The following RANBP2 variants were observed in gnomAD, a reference collection of about 807,000 sequenced individuals.
The protein encoded by RANBP2 is E3 SUMO-protein ligase RanBP2.
Under a neutral mutation model 303.6 loss-of-function variants are expected in RANBP2, and 57 were observed. The ratio of observed to expected loss-of-function variants is 0.19; its 90% CI spans 0.15 to 0.23. RANBP2 has a LOEUF of 0.23. Ranked by LOEUF, RANBP2 falls within the 10% of genes least tolerant of loss-of-function variation. RANBP2 has a pLI of 1.00. For synonymous variants in RANBP2, 1,167 were observed against 1,301.5 expected, an observed-to-expected ratio of 0.90 and a Z score of 2.23; for missense variants, 3,138 against 3,780.8, an observed-to-expected ratio of 0.83 and a Z score of 4.46.
In RANBP2 at chr2:108,783,331, A is replaced by AT. The variant is rs1305640353; in HGVS notation, c.9370-263dup. 2.4e-4 allele frequency among the ~76,000 whole-genome samples: 27 copies of AT among 111,116 alleles called. 2 individuals are homozygous for AT. The South Asian group carries it at 7.2e-3, about 30-fold the overall frequency. The allele number at this position is 111,116 out of a possible 152,430, so 72.9% of individuals were successfully genotyped here. A position where few individuals can be genotyped will look rare whatever the true frequency, so the allele number is the denominator to read the frequency against. On this transcript the variant is annotated intron_variant, in intron 28 of 28. Coordinates refer to ENST00000283195, the MANE Select transcript of RANBP2 (RefSeq NM_006267.5). ...GGGCGACAGAGTGAGACAGCCTGTC[A>AT]TTAAAAAAAAAAAAAAAAAAAAAAA...
the RANBP2 span, among the ~76,000 whole-genome samples, chr2:109,438,914 G>A: frequency 2.5e-4 from 38 of 152,150 alleles, no homozygotes; most frequent in Admixed American, 1.0e-3. Context: ...CAATCAGCCC[G>A]GTGTTCTGTA....
Position 108,763,564 on chromosome 2 carries a change from C to A in RANBP2, c.3025C>A (p.Pro1009Thr). 6.2e-7 allele frequency: 1 copy of A among 1,614,074 alleles called. No homozygotes were observed. Among genetic ancestry groups the A allele is most frequent in the Non-Finnish European group, 8.5e-7 (1 of 1,179,982 alleles). ...ATTTGGGAAAACTAATTTTGTTCAG[C>A]CCATGCCGGGTGAAGGATTAAGGCC... is the stretch of plus-strand genomic sequence containing the variant. ...IEFGKTNFVQ[P>T]MPGEGLRPSL... The change falls in exon 20 of 29, where the codon CCC (proline) becomes ACC (threonine). Residue 1009 changes from proline to threonine, a missense_variant. By Grantham distance (38) the Pro-to-Thr change is conservative. Coordinates refer to ENST00000283195, the MANE Select transcript of RANBP2 (RefSeq NM_006267.5).
the RANBP2 span, among the ~76,000 whole-genome samples, chr2:108,850,080 G>A: frequency 4.6e-5 from 7 of 152,140 alleles, no homozygotes; most frequent in African/African-American, 7.2e-5. Context: ...GATGGTCCTC[G>A]GAACTACTGT....
chr2:109,441,132 C>CAAAAAAAAAAAAAAAAAA, the RANBP2 span, among the ~76,000 whole-genome samples: 5 of 134,030 alleles, frequency 3.7e-5, no homozygotes, highest in African/African-American at 1.5e-4. Flanking sequence ...TATAGGAATA[C>CAAAAAAAAAAAAAAAAAA]AAAAAAAAAA....
the RANBP2 span, among the ~76,000 whole-genome samples, chr2:109,263,915 G>T: frequency 6.6e-6 from 1 of 152,242 alleles, no homozygotes; most frequent in Non-Finnish European, 1.5e-5. Context: ...CTTGCAGTGA[G>T]CCAAGATCGT....
At chr2:109,199,632 T>TCAACGCGAGTGCAGG in the RANBP2 span, among the ~76,000 whole-genome samples, 1 of 68 alleles carries the variant, frequency 0.015, no homozygotes, top group African/African-American at 0.045. Context: ...TGGAATGGAA[T>TCAACGCGAGTGCAGG]GGAATGGAAT....
chr2:108,836,974 C>T, the RANBP2 span, among the ~76,000 whole-genome samples: 1 of 151,440 alleles, frequency 6.6e-6, no homozygotes, highest in Non-Finnish European at 1.5e-5. Context: ...ATCTTTAGGA[C>T]TTTCGACATA....
chr2:109,681,396 TTTACA>T, the RANBP2 span, among the ~76,000 whole-genome samples: 3 of 152,310 alleles, frequency 2.0e-5, no homozygotes, highest in East Asian at 1.9e-4. Flanking sequence ...CTTTGCTAAA[TTTACA>T]TTACATTTCA....
chr2:109,266,613 A>G, the RANBP2 span, among the ~76,000 whole-genome samples: 1 of 151,672 alleles, frequency 6.6e-6, no homozygotes, highest in Non-Finnish European at 1.5e-5. Context: ...AGTGCAGAGC[A>G]GGGCTCCCCT....
At chr2:108,943,393 A>G in the RANBP2 span, among the ~76,000 whole-genome samples, 1 of 152,204 alleles carries the variant, frequency 6.6e-6, no homozygotes, top group Admixed American at 6.5e-5. Flanking sequence ...TTCTTTATAT[A>G]GTTAAATTAT....
chr2:109,561,091 T>C, the RANBP2 span, among the ~76,000 whole-genome samples: 1 of 152,062 alleles, frequency 6.6e-6, no homozygotes, highest in Non-Finnish European at 1.5e-5. Context: ...AAGATCAAAA[T>C]CCTCCCCAGG....
the RANBP2 span, chr2:109,503,345 A>G: frequency 1.3e-5 from 2 of 152,192 alleles, no homozygotes; most frequent in Non-Finnish European, 2.9e-5. Context: ...GAAGACTTTG[A>G]AACACGGGCC....
the RANBP2 span, among the ~76,000 whole-genome samples, chr2:109,587,805 C>A: frequency 6.6e-6 from 1 of 152,018 alleles, no homozygotes; most frequent in South Asian, 2.1e-4. Context: ...CCCAGCTACT[C>A]AGGAGGCTGA....
the RANBP2 span, chr2:109,614,658 A>C: frequency 6.8e-7 from 1 of 1,477,746 alleles, no homozygotes; most frequent in Non-Finnish European, 8.9e-7. Flanking sequence ...CGCGCACTTC[A>C]AGGAGCTGGT....
the RANBP2 span, among the ~76,000 whole-genome samples, chr2:109,205,705 G>T: frequency 6.6e-6 from 1 of 152,234 alleles, no homozygotes; most frequent in Non-Finnish European, 1.5e-5. Context: ...GGGCAGAGGT[G>T]TTGTTTCGGG....
chr2:109,621,490 C>T, the RANBP2 span, among the ~76,000 whole-genome samples: 1 of 151,876 alleles, frequency 6.6e-6, no homozygotes, highest in East Asian at 1.9e-4. Flanking sequence ...AACCTGGGAG[C>T]CCTCCATTAG....
chr2:109,614,951 G>A, the RANBP2 span: 1 of 1,524,252 alleles, frequency 6.6e-7, no homozygotes, highest in African/African-American at 1.4e-5. Context: ...GGGCTCGCAG[G>A]AAGAACTCGC....
At chr2:109,271,961 T>G in the RANBP2 span, among the ~76,000 whole-genome samples, 1 of 152,286 alleles carries the variant, frequency 6.6e-6, no homozygotes, top group African/African-American at 2.4e-5. Flanking sequence ...TTCAACATGG[T>G]GATGGATAAT....
At chr2:108,781,982 G>A (rs557083775) in intron 26 of RANBP2, 146 bp from the exon 27 acceptor site, 3 of 840,136 alleles carry the variant, frequency 3.6e-6, no homozygotes, top group African/African-American at 3.4e-5. Flanking sequence ...TATATTCCTA[G>A]CCCTAAGATA....
Sources: gnomAD v4.1 joint callset for allele counts (sites outside exome capture counted in the v4.1 genomes callset) on GRCh38, gnomAD v4.1.1 for gene constraint, MANE v1.5 for transcripts, NCBI Gene and HGNC (gene_info 2026-07-23, HGNC 2026-07-21) for gene names.